KPNA1: variants seen among roughly 807,000 people sequenced by gnomAD.
KPNA1 encodes importin subunit alpha-5.
A neutral mutation model predicts 70.5 loss-of-function variants in KPNA1; 10 were observed. That is an observed-to-expected ratio of 0.14 (90% CI 0.09 to 0.24). The LOEUF is 0.24. KPNA1 is among the 10% of genes least tolerant of loss of function. KPNA1 has a pLI of 1.00. For synonymous variants in KPNA1, 192 were observed against 221.9 expected (o/e 0.87, Z 1.20); for missense variants, 397 against 637.9 (o/e 0.62, Z 4.07).
chr3:122,505,274 C>CAA (rs376502610), intron 1 of KPNA1, among the ~76,000 whole-genome samples: 35,259 of 99,150 alleles, frequency 0.36, 6,225 homozygotes, highest in East Asian at 0.51. Flanking sequence ...CTGCATGCCT[C>CAA]AAAAAAAAAA....
intron 2 of KPNA1, among the ~76,000 whole-genome samples, chr3:122,478,013 T>G (rs953913035): frequency 4.0e-5 from 6 of 150,880 alleles, no homozygotes; most frequent in Non-Finnish European, 7.4e-5. Flanking sequence ...AATACAAAAA[T>G]TAGCTGGGCG....
rs2075794936 is a variant in KPNA1, at chr3:122,424,392, T to C, written c.*2593A>G. 1.3e-5 allele frequency: 2 copies of C among 152,218 alleles called. No homozygotes were observed. The highest frequency in any genetic ancestry group is 2.9e-5 in the Non-Finnish European group (2 of 68,032). The allele number at this position is 152,218 out of a possible 1,614,324, so 9.4% of individuals were successfully genotyped here. A position where few individuals can be genotyped will look rare whatever the true frequency, so the allele number is the denominator to read the frequency against. ...TCATTTCTGTTACCAAAAAGCCTGC[T>C]TCAGTACCAAGTTCCAACATATCTG... is the stretch of plus-strand genomic sequence containing the variant. On this transcript the variant is annotated 3_prime_UTR_variant, in exon 14 of 14. Transcript: ENST00000344337.
intron 1 of KPNA1, among the ~76,000 whole-genome samples, chr3:122,512,519 C>A (rs568744366): frequency 6.6e-6 from 1 of 152,110 alleles, no homozygotes; most frequent in East Asian, 1.9e-4. Context: ...CTCAGGAGTT[C>A]GAGACCAGCC....
intron 2 of KPNA1, among the ~76,000 whole-genome samples, chr3:122,490,872 A>G (rs2076690678): frequency 6.6e-6 from 1 of 152,172 alleles, no homozygotes; most frequent in South Asian, 2.1e-4. Flanking sequence ...TTCTTAAACT[A>G]AAAGTATCAG....
At chr3:122,504,102 T>TA (rs1176376032) in intron 1 of KPNA1, among the ~76,000 whole-genome samples, 1 of 152,190 alleles carries the variant, frequency 6.6e-6, no homozygotes, top group East Asian at 1.9e-4. Context: ...ACCATGGACT[T>TA]AGAGTGAGGA....
chr3:122,477,854 C>G (rs985350374), intron 2 of KPNA1, among the ~76,000 whole-genome samples: 7 of 119,738 alleles, frequency 5.8e-5, no homozygotes, highest in African/African-American at 2.3e-4. Context: ...TTTGAAATAT[C>G]TGTATCAAAA....
At chr3:122,439,112 C>T (rs949024776) in intron 10 of KPNA1, among the ~76,000 whole-genome samples, 2 of 152,198 alleles carry the variant, frequency 1.3e-5, no homozygotes, top group African/African-American at 4.8e-5. Flanking sequence ...GAGGGACTGA[C>T]ACTGCACATA....
At chr3:122,496,399 A>C in intron 2 of KPNA1, 38 bp downstream of exon 2, 1 of 1,597,238 alleles carries the variant, frequency 6.3e-7, no homozygotes, top group South Asian at 1.1e-5. Flanking sequence ...TGGAACATTA[A>C]ATTCTTTAAA....
chr3:122,496,301 T>C (rs965823399), intron 2 of KPNA1, 136 bp downstream of exon 2: 3 of 575,746 alleles, frequency 5.2e-6, no homozygotes, highest in Non-Finnish European at 2.8e-6. Context: ...GTGTTGATTT[T>C]ACAGGGGAGA....
intron 4 of KPNA1, among the ~76,000 whole-genome samples, chr3:122,462,314 C>A (rs1481257498): frequency 6.6e-6 from 1 of 151,990 alleles, no homozygotes; most frequent in South Asian, 2.1e-4. Context: ...CAAACAAAAC[C>A]TAACAACAGT....
chr3:122,438,370 G>A (rs914270497), intron 10 of KPNA1, among the ~76,000 whole-genome samples: 2 of 151,080 alleles, frequency 1.3e-5, no homozygotes, highest in African/African-American at 4.9e-5. Flanking sequence ...AAACTACTCA[G>A]TCTTCGGTAT....
At chr3:122,441,569 A>C (rs1435104650) in intron 10 of KPNA1, among the ~76,000 whole-genome samples, 1 of 152,174 alleles carries the variant, frequency 6.6e-6, no homozygotes, top group African/African-American at 2.4e-5. Context: ...AGTCAGAGAT[A>C]CTAAAGGTAT....
intron 1 of KPNA1, chr3:122,514,403 C>T (rs2076992929): frequency 6.9e-6 from 1 of 145,608 alleles, no homozygotes; most frequent in East Asian, 2.1e-4. Context: ...GCGGCGCAGG[C>T]TCCGCGCTCG....
At chr3:122,463,465 G>C (rs1214461933) in intron 4 of KPNA1, among the ~76,000 whole-genome samples, 1 of 150,758 alleles carries the variant, frequency 6.6e-6, no homozygotes, top group African/African-American at 2.4e-5. Flanking sequence ...AGGTTGCAGT[G>C]AGCCAAGATC....
chr3:122,500,206 C>G (rs1216992943), intron 1 of KPNA1, among the ~76,000 whole-genome samples: 1 of 151,886 alleles, frequency 6.6e-6, no homozygotes, highest in Non-Finnish European at 1.5e-5. Flanking sequence ...ACTGCAACTT[C>G]TGTCTCTCAG....
intron 12 of KPNA1, among the ~76,000 whole-genome samples, chr3:122,431,896 C>G (rs188951187): frequency 1.3e-5 from 2 of 151,926 alleles, no homozygotes; most frequent in East Asian, 3.9e-4. Flanking sequence ...CTCTGCCTCC[C>G]GGGTTCAAGC....
chr3:122,477,657 G>A (rs1231071722), intron 2 of KPNA1, among the ~76,000 whole-genome samples: 1 of 151,988 alleles, frequency 6.6e-6, no homozygotes, highest in Non-Finnish European at 1.5e-5. Flanking sequence ...CTCCAGCCTG[G>A]GCGACAGAGT....
chr3:122,513,250 C>G (rs1262434540), intron 1 of KPNA1, among the ~76,000 whole-genome samples: 4 of 152,150 alleles, frequency 2.6e-5, no homozygotes, highest in African/African-American at 9.7e-5. Flanking sequence ...ACAGATACTT[C>G]AGATTCAAAT....
At chr3:122,491,264 C>T (rs990450942) in intron 2 of KPNA1, among the ~76,000 whole-genome samples, 1 of 152,192 alleles carries the variant, frequency 6.6e-6, no homozygotes, top group African/African-American at 2.4e-5. Context: ...CAGTTTGGTA[C>T]AGCGGGATGC....
Sources: allele counts gnomAD v4.1 joint callset (sites outside exome capture counted in the v4.1 genomes callset), GRCh38; gene constraint gnomAD v4.1.1; transcripts MANE v1.5; gene names NCBI Gene and HGNC (gene_info 2026-07-23, HGNC 2026-07-21).